The following GABRA4 variants were observed in gnomAD, a reference collection of about 807,000 sequenced individuals.
The protein encoded by GABRA4 is gamma-aminobutyric acid receptor subunit alpha-4.
In GABRA4, 12 loss-of-function variants were observed where a neutral mutation model predicts 49.7. That is an observed-to-expected ratio of 0.24 (90% CI 0.15 to 0.39). The LOEUF (loss-of-function observed/expected upper bound fraction) is 0.39, where lower values mean the gene tolerates loss of function less well. GABRA4 is among the 10% of genes least tolerant of loss of function. The pLI is 1.00. For synonymous variants in GABRA4, 288 were observed against 240.2 expected (o/e 1.20, Z -1.84); for missense variants, 506 against 686.0 (o/e 0.74, Z 2.93).
intron 8 of GABRA4, among the ~76,000 whole-genome samples, chr4:46,946,014 C>T (rs1241202737): frequency 2.0e-5 from 3 of 152,066 alleles, no homozygotes; most frequent in Non-Finnish European, 2.9e-5. Flanking sequence ...GACTGTTGAA[C>T]CCAAATTTCT....
intron 8 of GABRA4, among the ~76,000 whole-genome samples, chr4:46,957,234 G>A (rs1476137225): frequency 6.6e-6 from 1 of 150,894 alleles, no homozygotes; most frequent in African/African-American, 2.4e-5. Flanking sequence ...GTCAGAATGA[G>A]CCCCCAAAAG....
At chr4:46,970,882 C>A (rs2271429) in intron 7 of GABRA4, among the ~76,000 whole-genome samples, 78,665 of 151,236 alleles carry the variant, frequency 0.52, 20,764 homozygotes, top group East Asian at 0.7. Flanking sequence ...AATCTGATGC[C>A]TGGCCCCAGA....
intron 8 of GABRA4, among the ~76,000 whole-genome samples, chr4:46,962,083 G>A (rs2109371195): frequency 6.6e-6 from 1 of 151,900 alleles, no homozygotes; most frequent in African/African-American, 2.4e-5. Context: ...AATTTTGACT[G>A]TACATTTACT....
chr4:46,961,195 C>T (rs1722560952), intron 8 of GABRA4, among the ~76,000 whole-genome samples: 1 of 151,814 alleles, frequency 6.6e-6, no homozygotes, highest in Non-Finnish European at 1.5e-5. Flanking sequence ...TAATTTTTCA[C>T]CTGCACACAC....
At chr4:46,967,301 AG>A (rs2109379005) in intron 7 of GABRA4, among the ~76,000 whole-genome samples, 1 of 151,720 alleles carries the variant, frequency 6.6e-6, no homozygotes, top group African/African-American at 2.4e-5. Context: ...ATAACCAAAA[AG>A]GATACCCAAA....
At chr4:46,967,391 G>T (rs1722801602) in intron 7 of GABRA4, among the ~76,000 whole-genome samples, 1 of 150,194 alleles carries the variant, frequency 6.7e-6, no homozygotes. Context: ...TTTTCTTGGT[G>T]ATCAGAAGTA....
intron 8 of GABRA4, among the ~76,000 whole-genome samples, chr4:46,943,498 T>G (rs908012304): frequency 8.5e-5 from 13 of 152,292 alleles, no homozygotes; most frequent in Admixed American, 4.6e-4. Context: ...ATAAATGTGA[T>G]CATGTCAATT....
At chr4:46,958,189 T>C (rs551353486) in intron 8 of GABRA4, among the ~76,000 whole-genome samples, 6 of 152,084 alleles carry the variant, frequency 3.9e-5, no homozygotes, top group Non-Finnish European at 7.4e-5. Context: ...ATTTTCTGTC[T>C]GTGTTATATT....
At chr4:46,977,173 C>G (rs768983120) in intron 4 of GABRA4, 30 bp from the exon 5 acceptor site, 1 of 1,419,154 alleles carries the variant, frequency 7.0e-7, no homozygotes, top group Non-Finnish European at 9.8e-7. Flanking sequence ...TAAATAAAAT[C>G]AACCCTTTTA....
intron 8 of GABRA4, among the ~76,000 whole-genome samples, chr4:46,945,801 A>G (rs1190045291): frequency 2.0e-5 from 3 of 152,184 alleles, no homozygotes; most frequent in African/African-American, 7.2e-5. Context: ...TTGAAAAAGT[A>G]GCCTACAGGC....
chr4:46,992,289 A>G (rs955579114), intron 2 of GABRA4, among the ~76,000 whole-genome samples: 4 of 152,236 alleles, frequency 2.6e-5, no homozygotes, highest in African/African-American at 9.6e-5. Context: ...CAAAAAAGAA[A>G]GGGAAAAAAG....
At chr4:46,942,139 T>C (rs1300558359) in intron 8 of GABRA4, among the ~76,000 whole-genome samples, 1 of 152,174 alleles carries the variant, frequency 6.6e-6, no homozygotes, top group Non-Finnish European at 1.5e-5. Flanking sequence ...TACCTATTTA[T>C]GTTCCAGGCA....
rs532985148 is a variant in GABRA4 at position 46,978,415 on chromosome 4, C to T, written c.273+616G>A. Among the ~76,000 whole-genome samples the T allele has an allele frequency of 4.4e-3, 671 of 151,976 alleles. 4 individuals are homozygous for T. The highest frequency in any genetic ancestry group is 0.016 in the African/African-American group (646 of 41,504). On this transcript the variant is annotated intron_variant, in intron 3 of 8. Transcript: ENST00000264318. Reference sequence around the variant, plus strand: ...TTCCTAAAGAAAAAACAGCCGGGCACGGTGGCTCATGCCTGTAATCCCAGC... The same window carrying T: ...TTCCTAAAGAAAAAACAGCCGGGCATGGTGGCTCATGCCTGTAATCCCAGC...
At chr4:46,978,072 T>C (rs990639030) in intron 3 of GABRA4, among the ~76,000 whole-genome samples, 1 of 152,060 alleles carries the variant, frequency 6.6e-6, no homozygotes, top group South Asian at 2.1e-4. Context: ...CAAAGTTTAT[T>C]AAAATGAGTC....
intron 8 of GABRA4, among the ~76,000 whole-genome samples, chr4:46,932,036 T>C (rs1721455418): frequency 6.6e-6 from 1 of 152,116 alleles, no homozygotes; most frequent in Non-Finnish European, 1.5e-5. Context: ...AGATAATAGA[T>C]AGATGAGTTA....
chr4:46,993,120 G>A (rs1455308749), intron 1 of GABRA4, among the ~76,000 whole-genome samples, 174 bp from the exon 2 acceptor site: 1 of 152,000 alleles, frequency 6.6e-6, no homozygotes, highest in Non-Finnish European at 1.5e-5. Flanking sequence ...AGCGCGCCCC[G>A]CCGCAAGACC....
rs1281422165 is a variant in GABRA4 at position 46,920,683 on chromosome 4, A to G, written c.*7542T>C. 2.0e-5 allele frequency: 3 copies of G among 151,692 alleles called. No individual in the cohort carries two copies. The highest frequency in any genetic ancestry group is 4.4e-5 in the Non-Finnish European group (3 of 67,712). The allele number at this position is 151,692 out of a possible 1,614,324, so 9.4% of individuals were successfully genotyped here. ...TCACACACACTCACACCAAAATTCCAATGTATTACAGGGAGGTATTTCCAA... is the reference window on the plus strand; with the variant it reads ...TCACACACACTCACACCAAAATTCCGATGTATTACAGGGAGGTATTTCCAA... On this transcript the variant is annotated 3_prime_UTR_variant, in exon 9 of 9. Transcript: ENST00000264318.
In GABRA4 at chr4:46,992,864, C is replaced by G. The variant is rs1313260938; in HGVS notation, c.169G>C (p.Asp57His). 5 of 1,613,806 alleles carry G rather than the reference C, an allele frequency of 3.1e-6. No individual in the cohort carries two copies. The South Asian group carries it at 5.5e-5, about 18-fold the overall frequency. Residue 57 changes from aspartate (D) to histidine (H), a missense_variant, in exon 2 of 9, where the codon GAT becomes CAT. Coordinates refer to ENST00000264318, the MANE Select transcript of GABRA4 (RefSeq NM_000809.4). ...GGACGCAGCCTGTTGTCATAACCAT[C>G]GAGCAAACTGTCCAGGATGCGGGTG... ...NFTRILDSLL[D>H]GYDNRLRPGF...
intron 8 of GABRA4, among the ~76,000 whole-genome samples, chr4:46,938,566 A>T (rs1721677077): frequency 6.6e-6 from 1 of 152,136 alleles, no homozygotes; most frequent in Non-Finnish European, 1.5e-5. Context: ...GAAGTCTTTG[A>T]TGAGCCAAGA....
Sources: allele counts gnomAD v4.1 joint callset (sites outside exome capture counted in the v4.1 genomes callset), GRCh38; gene constraint gnomAD v4.1.1; transcripts MANE v1.5; gene names NCBI Gene and HGNC (gene_info 2026-07-23, HGNC 2026-07-21).